BRCA2: variants seen among roughly 807,000 people sequenced by gnomAD.
BRCA2 encodes the protein BRCA2 DNA repair associated.
BRCA2 carries 203 observed loss-of-function variants against 276.7 expected under a neutral mutation model. The ratio of observed to expected loss-of-function variants is 0.73; its 90% CI spans 0.65 to 0.82. The LOEUF (loss-of-function observed/expected upper bound fraction) is 0.82. BRCA2 is among the 40% of genes least tolerant of loss of function. The pLI is 0.00. For missense variants in BRCA2, 3,920 were observed against 3,915.0 expected (o/e 1.00, Z -0.03); for synonymous variants, 1,289 against 1,338.4 (o/e 0.96, Z 0.81).
In BRCA2 at chr13:32,341,739, G is replaced by A. The variant is rs538028174; in HGVS notation, c.6841+543G>A. ...AAAAATTAGCCGGGCGTAGTGGCGG[G>A]CGCCTGTAGTCCCAGCTACTTGGGA... On this transcript the variant is annotated intron_variant, in intron 11 of 26. Transcript: ENST00000380152. 9.3e-5 allele frequency among the ~76,000 whole-genome samples: 14 copies of A among 151,344 alleles called. No homozygotes were observed. The South Asian group carries it at 2.9e-3, about 31-fold the overall frequency.
In BRCA2 at chr13:32,326,493, TC is replaced by T. The variant is rs779951024; in HGVS notation, c.517-3del. 6.3e-7 allele frequency: 1 copy of T among 1,592,308 alleles called. No homozygotes were observed. The highest frequency in any genetic ancestry group is 8.6e-7 in the Non-Finnish European group (1 of 1,160,190). Reference sequence around the variant, plus strand: ...ATAAAAAATAAACTATTTTCTTTCCTCCCAGGGTCGTCAGACACCAAAACAT... The same window carrying T: ...ATAAAAAATAAACTATTTTCTTTCCTCCAGGGTCGTCAGACACCAAAACAT... On this transcript the variant is annotated splice_region_variant and splice_polypyrimidine_tract_variant and intron_variant, in intron 6 of 26. Transcript: ENST00000380152.
intron 14 of BRCA2, 57 bp from the exon 15 acceptor site, chr13:32,356,371 G>A: frequency 6.4e-7 from 1 of 1,558,406 alleles, no homozygotes; most frequent in Non-Finnish European, 8.8e-7. Context: ...TGCCTGGCCA[G>A]GGGTTGTGCT....
Position 32,326,609 on chromosome 13 carries a change from C to A in BRCA2, c.627C>A (p.Leu209=), listed in dbSNP as rs28897704. 70 of 1,590,474 alleles carry A rather than the reference C, an allele frequency of 4.4e-5. No individual in the cohort carries two copies. Among genetic ancestry groups the A allele is most frequent in the Non-Finnish European group, 5.8e-5 (67 of 1,159,020 alleles). ...ATPPTLSSTV[L]IVRNEEASET... is the part of the protein sequence containing the mutation. ...CACCCACCCTTAGTTCTACTGTGCTCATAGGTAATAATAGCAAATGTGTAT... is the reference window on the plus strand; with the variant it reads ...CACCCACCCTTAGTTCTACTGTGCTAATAGGTAATAATAGCAAATGTGTAT... The change falls in exon 7 of 27, where the codon CTC becomes CTA. Residue 209 remains leucine (L), a synonymous_variant. Transcript: ENST00000380152.
intron 21 of BRCA2, among the ~76,000 whole-genome samples, chr13:32,378,257 T>G (rs2072887195): frequency 6.6e-6 from 1 of 152,214 alleles, no homozygotes; most frequent in African/African-American, 2.4e-5. Context: ...GGACAAGTGA[T>G]GTATTTATTT....
chr13:32,389,540 T>A (rs886510484), intron 24 of BRCA2, among the ~76,000 whole-genome samples: 2 of 152,242 alleles, frequency 1.3e-5, no homozygotes, highest in Non-Finnish European at 2.9e-5. Flanking sequence ...TGAGAATTGT[T>A]TCAGGATATA....
intron 13 of BRCA2, among the ~76,000 whole-genome samples, chr13:32,349,979 A>G (rs549939543): frequency 6.6e-6 from 1 of 152,322 alleles, no homozygotes; most frequent in East Asian, 1.9e-4. Context: ...TGAAAGCAAG[A>G]AGAAGTTAAT....
intron 3 of BRCA2, among the ~76,000 whole-genome samples, chr13:32,320,359 CT>C (rs1200881612): frequency 1.3e-5 from 2 of 152,192 alleles, no homozygotes; most frequent in Non-Finnish European, 2.9e-5. Context: ...GATCAGGCCC[CT>C]GATTTACACT....
intron 25 of BRCA2, chr13:32,395,929 T>C: frequency 3.6e-6 from 1 of 275,016 alleles, no homozygotes; most frequent in East Asian, 1.3e-4. Context: ...ATCTACTGTT[T>C]ACACCCCACA....
intron 21 of BRCA2, among the ~76,000 whole-genome samples, chr13:32,377,590 CAAAA>C (rs796964470): frequency 2.1e-4 from 21 of 99,582 alleles, no homozygotes; most frequent in Admixed American, 1.3e-3. Context: ...AACTCCGTCT[CAAAA>C]AAAAAAAAAA....
At position 32,316,543 on chromosome 13, in the gene BRCA2, A is replaced by G. The variant is rs529148674; in HGVS notation, c.67+16A>G. 5.7e-5 allele frequency: 91 copies of G among 1,601,496 alleles called. No individual in the cohort carries two copies. In the South Asian group the frequency reaches 9.8e-4, roughly 17 times the overall value. The stretch of plus-strand genomic sequence containing the variant: ...AACAAAGCAGGTATTGACAAATTTT[A>G]TATAACTTTATAAATTACACCGAGA... On this transcript the variant is annotated intron_variant, in intron 2 of 26. Coordinates refer to ENST00000380152, the MANE Select transcript of BRCA2 (RefSeq NM_000059.4).
chr13:32,356,029 T>C (rs1273271698), intron 14 of BRCA2, among the ~76,000 whole-genome samples: 3 of 151,190 alleles, frequency 2.0e-5, no homozygotes, highest in Non-Finnish European at 2.9e-5. Context: ...TGTATAATTT[T>C]ATAAAACAGG....
intron 24 of BRCA2, among the ~76,000 whole-genome samples, chr13:32,388,535 T>C (rs1450707670): frequency 6.6e-6 from 1 of 152,192 alleles, no homozygotes; most frequent in Non-Finnish European, 1.5e-5. Context: ...TTCAACACTT[T>C]TTTTTTTAAA....
rs1409774185 is a variant in BRCA2 at position 32,332,466 on chromosome 13, A to C, written c.988A>C (p.Lys330Gln). 6.3e-7 allele frequency: 1 copy of C among 1,593,444 alleles called. No homozygotes were observed. Among genetic ancestry groups the C allele is most frequent in the Non-Finnish European group, 8.5e-7 (1 of 1,174,294 alleles). The change falls in exon 10 of 27, where the codon AAA (lysine) becomes CAA (glutamine). Residue 330 changes from lysine (K) to glutamine (Q), a missense_variant. Transcript: ENST00000380152. The part of the protein sequence containing the change: ...LQKVRTSKTR[K>Q]KIFHEANADE... The stretch of plus-strand genomic sequence containing the variant: ...AAAAGTAAGAACTAGCAAGACTAGG[A>C]AAAAAATTTTCCATGAAGCAAACGC...
At chr13:32,376,536 GAAA>G (rs2072872989) in intron 20 of BRCA2, 131 bp from the exon 21 acceptor site, 2 of 872,146 alleles carry the variant, frequency 2.3e-6, no homozygotes, top group Non-Finnish European at 3.4e-6. Flanking sequence ...AAAAAAAAAA[GAAA>G]AAACTTTTAG....
At chr13:32,359,793 T>G (rs2072726638) in intron 16 of BRCA2, among the ~76,000 whole-genome samples, 1 of 152,228 alleles carries the variant, frequency 6.6e-6, no homozygotes, top group Non-Finnish European at 1.5e-5. Context: ...CCCTGTAGTC[T>G]AAGTGGAAAT....
Position 32,340,945 on chromosome 13 carries a change from C to T in BRCA2, c.6590C>T (p.Thr2197Ile), listed in dbSNP as rs1566234984. The change falls in exon 11 of 27, where the codon ACT becomes ATT. Residue 2197 changes from threonine to isoleucine, a missense_variant. Thr to Ile is a moderately conservative substitution (Grantham distance 89). Around this residue, in one of 2 missense-constraint regions of BRCA2, gnomAD observed 3,263 missense variants for 3,156.9 expected, o/e 1.03. Coordinates refer to ENST00000380152, the MANE Select transcript of BRCA2 (RefSeq NM_000059.4). ...AACGTAAAAATGGAAATTGGTAAAA[C>T]TGAAACTTTTTCTGATGTTCCTGTG... Reference protein sequence around the residue: ...PKNVKMEIGKTETFSDVPVKT... With the variant: ...PKNVKMEIGKIETFSDVPVKT... 2 of 1,609,760 alleles carry T rather than the reference C, an allele frequency of 1.2e-6. No homozygotes were observed. Among genetic ancestry groups the T allele is most frequent in the South Asian group, 2.2e-5 (2 of 89,512 alleles).
rs80358419 is a variant in BRCA2, at chr13:32,332,739, C to G, written c.1261C>G (p.Gln421Glu). 6 of 1,609,108 alleles carry G rather than the reference C, an allele frequency of 3.7e-6. No individual in the cohort carries two copies. The highest frequency in any genetic ancestry group is 1.7e-5 in the Admixed American group (1 of 58,938). The change falls in exon 10 of 27, where the codon CAA becomes GAA. Residue 421 changes from glutamine (Q) to glutamate (E), a missense_variant. Transcript: ENST00000380152. Reference protein sequence around the residue: ...IPLLHISSCDQNISEKDLLDT... With the variant: ...IPLLHISSCDENISEKDLLDT... Reference sequence around the variant, plus strand: ...CCTATTGCATATTTCTTCATGTGACCAAAATATTTCAGAAAAAGACCTATT... The same window carrying G: ...CCTATTGCATATTTCTTCATGTGACGAAAATATTTCAGAAAAAGACCTATT...
Position 32,346,830 on chromosome 13 carries a change from C to A in BRCA2, c.6941C>A (p.Thr2314Lys), listed in dbSNP as rs1177474377. The A allele has an allele frequency of 6.2e-7, 1 of 1,605,434 alleles. No individual in the cohort carries two copies. Among genetic ancestry groups the A allele is most frequent in the Non-Finnish European group, 8.5e-7 (1 of 1,174,322 alleles). Reference sequence around the variant, plus strand: ...ATATAAAATAATTGTTTCCTAGGCACAATAAAAGATCGAAGATTGTTTATG... The same window carrying A: ...ATATAAAATAATTGTTTCCTAGGCAAAATAAAAGATCGAAGATTGTTTATG... Reference protein sequence around the residue: ...LKASKSTPDGTIKDRRLFMHH... With the variant: ...LKASKSTPDGKIKDRRLFMHH... The change falls in exon 13 of 27, where the codon ACA becomes AAA. Residue 2314 changes from threonine (T) to lysine (K), a missense_variant. Physicochemically the swap from Thr to Lys is moderately conservative, Grantham distance 78 (BLOSUM62 -1). Transcript: ENST00000380152.
rs730881541 is a variant in BRCA2 at position 32,340,353 on chromosome 13, T to C, written c.5998T>C (p.Phe2000Leu). The C allele has an allele frequency of 6.2e-7, 1 of 1,613,984 alleles. No individual in the cohort carries two copies. The highest frequency in any genetic ancestry group is 8.5e-7 in the Non-Finnish European group (1 of 1,179,932). ...TTCATTACAAAACGCAAGACAAGTG[T>C]TTTCTGAAATAGAAGATAGTACCAA... ...DASLQNARQVFSEIEDSTKQV... is the reference protein window; with the variant it reads ...DASLQNARQVLSEIEDSTKQV... The change falls in exon 11 of 27, where the codon TTT (phenylalanine) becomes CTT (leucine). Residue 2000 changes from phenylalanine (F) to leucine (L), a missense_variant. Transcript: ENST00000380152.
Sources: gnomAD v4.1 joint callset for allele counts (sites outside exome capture counted in the v4.1 genomes callset) on GRCh38, gnomAD v4.1.1 for gene constraint, gnomAD v4.1.1 regional missense constraint, MANE v1.5 for transcripts, NCBI Gene and HGNC (gene_info 2026-07-23, HGNC 2026-07-21) for gene names.